The following DCC variants were observed in gnomAD, a reference collection of about 807,000 sequenced individuals.
DCC encodes the protein DCC netrin 1 receptor.
A neutral mutation model predicts 172.5 loss-of-function variants in DCC; 58 were observed. That is an observed-to-expected ratio of 0.34 (90% confidence interval 0.27 to 0.42). The LOEUF (loss-of-function observed/expected upper bound fraction) is 0.42. DCC is among the 10% of genes least tolerant of loss of function. The pLI, the probability that DCC is intolerant of heterozygous loss-of-function variation, is 1.00. For missense variants in DCC, 1,740 were observed against 1,791.0 expected (o/e 0.97, Z 0.51); for synonymous variants, 709 against 644.5 (o/e 1.10, Z -1.52).
chr18:52,897,378 C>G (rs979433803), intron 2 of DCC, among the ~76,000 whole-genome samples: 1 of 152,198 alleles, frequency 6.6e-6, no homozygotes, highest in African/African-American at 2.4e-5. Context: ...CTGCTACAGA[C>G]TATGTTGGAA....
chr18:52,639,217 C>G (rs1412202697), intron 1 of DCC, among the ~76,000 whole-genome samples: 1 of 151,964 alleles, frequency 6.6e-6, no homozygotes, highest in Admixed American at 6.6e-5. Flanking sequence ...ACTGAAAGAG[C>G]ACAAACAGAC....
At chr18:53,268,560 T>C (rs1197180064) in intron 12 of DCC, among the ~76,000 whole-genome samples, 1 of 152,166 alleles carries the variant, frequency 6.6e-6, no homozygotes, top group Non-Finnish European at 1.5e-5. Context: ...AGCCTTCAAT[T>C]TTCTCATTTG....
chr18:52,679,976 G>A (rs16955354), intron 1 of DCC, among the ~76,000 whole-genome samples: 34,685 of 151,786 alleles, frequency 0.23, 4,670 homozygotes, highest in South Asian at 0.4. Context: ...AAAATTGTAC[G>A]GAATTCCACC....
intron 1 of DCC, among the ~76,000 whole-genome samples, chr18:52,441,685 C>T (rs1161114251): frequency 6.6e-6 from 1 of 152,082 alleles, no homozygotes. Flanking sequence ...GATTACTGAC[C>T]TTTTTTAACC....
intron 5 of DCC, among the ~76,000 whole-genome samples, chr18:52,954,171 C>A (rs767324071): frequency 1.1e-4 from 16 of 152,100 alleles, no homozygotes; most frequent in Admixed American, 6.5e-5. Flanking sequence ...CATAATCCAA[C>A]CTTAGGCTTG....
At chr18:53,454,120 T>A (rs796932116) in intron 23 of DCC, among the ~76,000 whole-genome samples, 24 of 152,276 alleles carry the variant, frequency 1.6e-4, no homozygotes, top group African/African-American at 5.5e-4. Context: ...GGCCAAGACA[T>A]GAGGATGGCT....
chr18:53,177,456 C>A (rs2055121861), intron 8 of DCC, among the ~76,000 whole-genome samples: 1 of 152,142 alleles, frequency 6.6e-6, no homozygotes, highest in African/African-American at 2.4e-5. Flanking sequence ...ATGATGGTAA[C>A]CCGTATAACA....
chr18:53,152,700 G>A (rs2054661243), intron 7 of DCC, among the ~76,000 whole-genome samples: 1 of 152,172 alleles, frequency 6.6e-6, no homozygotes, highest in South Asian at 2.1e-4. Context: ...GGCCAGACTG[G>A]AGATTAGGCC....
At chr18:53,450,977 C>T (rs1568140167) in intron 23 of DCC, among the ~76,000 whole-genome samples, 1 of 152,162 alleles carries the variant, frequency 6.6e-6, no homozygotes, top group African/African-American at 2.4e-5. Context: ...CCACCATGCC[C>T]CTGTTTCTGG....
At chr18:53,239,579 T>A (rs2056258110) in intron 12 of DCC, among the ~76,000 whole-genome samples, 1 of 152,142 alleles carries the variant, frequency 6.6e-6, no homozygotes, top group Non-Finnish European at 1.5e-5. Flanking sequence ...GGGGCTTACA[T>A]CACTGGGCCC....
chr18:52,711,698 C>T (rs1376650725), intron 1 of DCC, among the ~76,000 whole-genome samples: 1 of 152,052 alleles, frequency 6.6e-6, no homozygotes, highest in Non-Finnish European at 1.5e-5. Flanking sequence ...GTGCCACTAC[C>T]CCACTACATT....
intron 8 of DCC, among the ~76,000 whole-genome samples, chr18:53,168,561 G>A (rs1453656854): frequency 1.4e-5 from 2 of 145,470 alleles, no homozygotes; most frequent in Non-Finnish European, 3.0e-5. Flanking sequence ...ACTGGGGTCT[G>A]TCTGGGGGCG....
In DCC at chr18:53,100,988, C is replaced by G. The variant is rs190029655; in HGVS notation, c.1261+34822C>G. ...AGACCATGGGGGAGGAAGACATGCACCCTTTAATCCTGTAGCACCTTCACC... is the reference window on the plus strand; with the variant it reads ...AGACCATGGGGGAGGAAGACATGCAGCCTTTAATCCTGTAGCACCTTCACC... On this transcript the variant is annotated intron_variant, in intron 7 of 28. Coordinates refer to ENST00000442544, the MANE Select transcript of DCC (RefSeq NM_005215.4). Among the ~76,000 whole-genome samples the G allele has an allele frequency of 1.4e-3, 220 of 152,168 alleles. 1 individual carries two copies. Among genetic ancestry groups the G allele is most frequent in the African/African-American group, 4.6e-3 (191 of 41,534 alleles).
intron 7 of DCC, among the ~76,000 whole-genome samples, chr18:53,110,332 T>A (rs192720897): frequency 1.3e-4 from 20 of 151,734 alleles, no homozygotes; most frequent in African/African-American, 4.8e-4. Context: ...CTCAGTGTTA[T>A]GTGGGTATAT....
chr18:52,925,344 G>C lies in DCC; in HGVS notation c.959G>C (p.Ser320Thr). 2 of 1,612,538 alleles carry C rather than the reference G, an allele frequency of 1.2e-6. No individual in the cohort carries two copies. Among genetic ancestry groups the C allele is most frequent in the South Asian group, 2.2e-5 (2 of 91,072 alleles). ...GTCACATATAAAAATGAGAATATTA[G>C]TGCCTCTGCAGAGCTCACAGTCTTG... is the stretch of plus-strand genomic sequence containing the variant. ...CVVTYKNENI[S>T]ASAELTVLVP... Residue 320 changes from serine (S) to threonine (T), a missense_variant, in exon 5 of 29, where the codon AGT becomes ACT. Around this residue, in one of 2 missense-constraint regions of DCC, gnomAD observed 1,732 missense variants for 1,767.4 expected, o/e 0.98. Coordinates refer to ENST00000442544, the MANE Select transcript of DCC (RefSeq NM_005215.4).
intron 1 of DCC, among the ~76,000 whole-genome samples, chr18:52,742,970 T>A (rs920928064): frequency 6.6e-6 from 1 of 152,240 alleles, no homozygotes; most frequent in South Asian, 2.1e-4. Flanking sequence ...ACAGTTTCTG[T>A]TAAAATGATC....
chr18:52,904,759 A>G (rs568763033), intron 2 of DCC, among the ~76,000 whole-genome samples: 3 of 152,220 alleles, frequency 2.0e-5, no homozygotes, highest in Non-Finnish European at 4.4e-5. Context: ...TGATGAATGG[A>G]TCAAAGTTTA....
intron 12 of DCC, among the ~76,000 whole-genome samples, chr18:53,251,173 C>G (rs1231350763): frequency 3.3e-5 from 5 of 151,906 alleles, no homozygotes; most frequent in African/African-American, 1.2e-4. Flanking sequence ...CCCCTGCTTT[C>G]TGACAGATGT....
At chr18:53,481,594 G>T (rs2145209825) in intron 25 of DCC, among the ~76,000 whole-genome samples, 1 of 152,192 alleles carries the variant, frequency 6.6e-6, no homozygotes, top group Non-Finnish European at 1.5e-5. Context: ...GAGGCAGAAT[G>T]AAAAATCATT....
Sources: allele counts gnomAD v4.1 joint callset (sites outside exome capture counted in the v4.1 genomes callset), GRCh38; gene constraint gnomAD v4.1.1; regional missense constraint gnomAD v4.1.1; transcripts MANE v1.5; gene names NCBI Gene and HGNC (gene_info 2026-07-23, HGNC 2026-07-21).